The following OPTC variants were observed in gnomAD, a reference collection of about 807,000 sequenced individuals.
OPTC encodes oculoglycan.
OPTC carries 22 observed loss-of-function variants against 25.4 expected under a neutral mutation model. The observed-to-expected ratio is 0.87, with a 90% CI of 0.62 to 1.24. OPTC has a LOEUF of 1.24. Among genes scored for constraint, OPTC ranks in the 50% most tolerant of loss-of-function variants. The pLI is 0.00. For missense variants in OPTC, 417 were observed against 425.2 expected (o/e 0.98, Z 0.17); for synonymous variants, 169 against 179.3 (o/e 0.94, Z 0.46).
At chr1:203,499,609 G>A (rs1264670204) in intron 4 of OPTC, 40 bp from the exon 5 acceptor site, 1 of 1,530,808 alleles carries the variant, frequency 6.5e-7, no homozygotes, top group Admixed American at 1.7e-5. Context: ...AAGATAGTGT[G>A]TTCTGGTTTC....
rs756869169 is a variant in OPTC, at chr1:203,495,989, G to A, written c.-17G>A. ...GGACCAGCCGCTGAAGGGATTCTCA[G>A]TCCCATCTGACTCCCCATGAGGCTC... is the stretch of plus-strand genomic sequence containing the variant. On this transcript the variant is annotated 5_prime_UTR_variant, in exon 2 of 8. Transcript: ENST00000367222. The A allele has an allele frequency of 2.5e-6, 4 of 1,582,586 alleles. No homozygotes were observed. The highest frequency in any genetic ancestry group is 3.5e-6 in the Non-Finnish European group (4 of 1,156,408).
At chr1:203,500,403 C>T (rs546264694) in intron 5 of OPTC, among the ~76,000 whole-genome samples, 15 of 140,500 alleles carry the variant, frequency 1.1e-4, no homozygotes, top group Non-Finnish European at 2.2e-4. Context: ...CCTCCACCAC[C>T]ATCACCCGCC....
chr1:203,503,130 G>A, intron 6 of OPTC, 121 bp downstream of exon 6: 2 of 770,864 alleles, frequency 2.6e-6, no homozygotes, highest in Non-Finnish European at 4.5e-6. Flanking sequence ...CTCCTTGATT[G>A]GAGGGTTTAT....
chr1:203,500,922 T>G (rs1001485805), intron 5 of OPTC, among the ~76,000 whole-genome samples: 1 of 152,166 alleles, frequency 6.6e-6, no homozygotes, highest in Non-Finnish European at 1.5e-5. Flanking sequence ...ATTCACCTGT[T>G]TGCTCACCAG....
intron 1 of OPTC, among the ~76,000 whole-genome samples, chr1:203,494,703 GA>G (rs2102217745): frequency 6.6e-6 from 1 of 152,060 alleles, no homozygotes; most frequent in African/African-American, 2.4e-5. Context: ...AAGAAAGAAA[GA>G]GGGAGAGTCT....
At chr1:203,502,466 G>C (rs989552452) in intron 5 of OPTC, among the ~76,000 whole-genome samples, 2 of 152,166 alleles carry the variant, frequency 1.3e-5, no homozygotes, top group African/African-American at 4.8e-5. Flanking sequence ...AGGGTTTATT[G>C]GAGACATTGA....
chr1:203,495,576 C>T (rs973671823), intron 1 of OPTC, among the ~76,000 whole-genome samples: 2 of 152,158 alleles, frequency 1.3e-5, no homozygotes, highest in South Asian at 4.1e-4. Flanking sequence ...TTCTCTAAAT[C>T]GAGCTTAGTG....
At chr1:203,498,594 C>A (rs1489635858) in intron 3 of OPTC, 87 bp from the exon 4 acceptor site, 1 of 1,533,568 alleles carries the variant, frequency 6.5e-7, no homozygotes, top group South Asian at 1.1e-5. Context: ...GCACAGATGG[C>A]CATGGTTCAG....
At chr1:203,503,875 C>CGTGTGCATGTGTGTG in intron 7 of OPTC, 130 bp downstream of exon 7, 1 of 779,518 alleles carries the variant, frequency 1.3e-6, no homozygotes, top group Non-Finnish European at 2.2e-6. Context: ...CACACACATG[C>CGTGTGCATGTGTGTG]ACACGCATGC....
In OPTC at chr1:203,496,958, C is replaced by CT; in HGVS notation, c.232-18dup. ...TGTGCAAAAGCTGGGCTACTGTGTACTCTGTGCTACATCTCCAGGTTAAGG... is the reference window on the plus strand; with the variant it reads ...TGTGCAAAAGCTGGGCTACTGTGTACTTCTGTGCTACATCTCCAGGTTAAGG... On this transcript the variant is annotated intron_variant, in intron 2 of 7. Transcript: ENST00000367222. The CT allele has an allele frequency of 1.2e-6, 2 of 1,614,080 alleles. No homozygotes were observed. Among genetic ancestry groups the CT allele is most frequent in the Non-Finnish European group, 1.7e-6 (2 of 1,180,002 alleles).
chr1:203,502,812 G>A lies in OPTC; in HGVS notation c.733-102G>A, dbSNP rs886848570. On this transcript the variant is annotated intron_variant, in intron 5 of 7. Coordinates refer to ENST00000367222, the MANE Select transcript of OPTC (RefSeq NM_014359.4). ...GCATGGCTGAGGCTAAGTGAGCCCT[G>A]AGTGAACAAATGGGGCCACCTGTCT... The A allele has an allele frequency of 2.2e-5, 20 of 900,682 alleles. No homozygotes were observed. In the South Asian group the frequency reaches 2.7e-4, roughly 12 times the overall value. 55.8% of individuals were successfully genotyped at this position (900,682 alleles called of 1,614,324 possible). A position where few individuals can be genotyped will look rare whatever the true frequency, so the allele number is the denominator to read the frequency against.
In OPTC at chr1:203,496,032, G is replaced by A; in HGVS notation, c.27G>A (p.Leu9=). The A allele has an allele frequency of 6.2e-7, 1 of 1,613,422 alleles. No homozygotes were observed. Among genetic ancestry groups the A allele is most frequent in the Non-Finnish European group, 8.5e-7 (1 of 1,179,726 alleles). MRLLAFLS[L]LALVLQETGT... is the part of the protein sequence containing the mutation. ...TGAGGCTCCTGGCTTTCCTGAGTCT[G>A]CTGGCCTTGGTGCTGCAGGAGACAG... Residue 9 remains leucine (L), a synonymous_variant, in exon 2 of 8, where the codon CTG becomes CTA. Transcript: ENST00000367222.
chr1:203,495,875 G>A, intron 1 of OPTC, 90 bp from the exon 2 acceptor site: 1 of 703,474 alleles, frequency 1.4e-6, no homozygotes, highest in East Asian at 2.7e-5. Context: ...GTGTGGGGGT[G>A]GGAAGTGGAG....
At chr1:203,508,372 A>G (rs541275468) in intron 7 of OPTC, among the ~76,000 whole-genome samples, 2 of 152,316 alleles carry the variant, frequency 1.3e-5, no homozygotes, top group South Asian at 4.1e-4. Context: ...ATCCTTAGGA[A>G]GCACATGAGG....
intron 7 of OPTC, among the ~76,000 whole-genome samples, chr1:203,506,194 CA>C (rs1293938473): frequency 1.3e-5 from 2 of 149,018 alleles, no homozygotes; most frequent in African/African-American, 2.5e-5. Context: ...TCTTGTTGCC[CA>C]GGGGGGAGTG....
intron 4 of OPTC, 105 bp from the exon 5 acceptor site, chr1:203,499,544 C>T (rs1392177519): frequency 7.5e-6 from 7 of 939,002 alleles, no homozygotes; most frequent in African/African-American, 1.6e-5. Context: ...TTAGAATCCC[C>T]TCATCTTGAG....
Position 203,496,228 on chromosome 1 carries a change from C to T in OPTC, c.223C>T (p.Leu75Phe), listed in dbSNP as rs754771708. ...GGAGCTCACAGATTATGGGGACCAA[C>T]TCCCCGAGGTGAGGGACACAGCAGA... The part of the protein sequence containing the change: ...YEELTDYGDQ[L>F]PEVKVTSLAP... Residue 75 changes from leucine to phenylalanine, a missense_variant, in exon 2 of 8, where the codon CTC becomes TTC. Leu to Phe is a conservative substitution (Grantham distance 22). Transcript: ENST00000367222. 6.2e-7 allele frequency: 1 copy of T among 1,611,320 alleles called. No individual in the cohort carries two copies. Among genetic ancestry groups the T allele is most frequent in the African/African-American group, 1.3e-5 (1 of 74,874 alleles).
chr1:203,496,891 A>G (rs1367346479), intron 2 of OPTC, 86 bp from the exon 3 acceptor site: 2 of 1,418,676 alleles, frequency 1.4e-6, no homozygotes, highest in African/African-American at 2.8e-5. Flanking sequence ...CTGGTTTGAA[A>G]TCCATCACTG....
chr1:203,504,888 T>C (rs1274298896), intron 7 of OPTC, among the ~76,000 whole-genome samples: 1 of 152,174 alleles, frequency 6.6e-6, no homozygotes, highest in Non-Finnish European at 1.5e-5. Flanking sequence ...TAAATAAAAA[T>C]AGCAATTACT....
Sources: gnomAD v4.1 joint callset for allele counts (sites outside exome capture counted in the v4.1 genomes callset) on GRCh38, gnomAD v4.1.1 for gene constraint, MANE v1.5 for transcripts, NCBI Gene and HGNC (gene_info 2026-07-23, HGNC 2026-07-21) for gene names.